SCMH1: variants seen among roughly 807,000 people sequenced by gnomAD.
SCMH1 encodes the protein Scm polycomb group protein homolog 1, also known as polycomb protein SCMH1.
A neutral mutation model predicts 70.8 loss-of-function variants in SCMH1; 37 were observed. The ratio of observed to expected loss-of-function variants is 0.52; its 90% CI spans 0.40 to 0.69. The LOEUF is 0.69. Among genes scored for constraint, SCMH1 ranks in the 30% least tolerant of loss-of-function variants. SCMH1 has a pLI of 0.00. For missense variants in SCMH1, 607 were observed against 827.3 expected (o/e 0.73, Z 3.27); for synonymous variants, 292 against 307.4 (o/e 0.95, Z 0.52).
intron 1 of SCMH1, among the ~76,000 whole-genome samples, chr1:41,235,550 G>A (rs1247079183): frequency 1.7e-5 from 2 of 120,206 alleles, no homozygotes; most frequent in African/African-American, 6.2e-5. Context: ...CAGCCTGGGA[G>A]TCAGAATGAG....
At chr1:41,097,113 A>T (rs1278366661) in intron 8 of SCMH1, among the ~76,000 whole-genome samples, 14 of 152,226 alleles carry the variant, frequency 9.2e-5, no homozygotes, top group Admixed American at 9.2e-4. Context: ...AAATCAAGTT[A>T]GTTTGTCAGA....
intron 1 of SCMH1, among the ~76,000 whole-genome samples, chr1:41,221,399 G>A (rs563537694): frequency 3.9e-5 from 6 of 152,022 alleles, no homozygotes; most frequent in East Asian, 3.9e-4. Context: ...GTTAAAATAG[G>A]CCCAGCACTT....
intron 6 of SCMH1, among the ~76,000 whole-genome samples, chr1:41,121,694 A>G (rs1318789966): frequency 2.0e-5 from 3 of 152,182 alleles, no homozygotes. Context: ...TCATGTTCAT[A>G]TATCCAACTA....
intron 1 of SCMH1, among the ~76,000 whole-genome samples, chr1:41,215,582 C>T (rs776655828): frequency 6.6e-6 from 1 of 152,076 alleles, no homozygotes; most frequent in Non-Finnish European, 1.5e-5. Context: ...GGCCCCTTTT[C>T]CTACTATGCA....
chr1:41,041,107 C>G (rs181003156), intron 12 of SCMH1, among the ~76,000 whole-genome samples: 5 of 151,978 alleles, frequency 3.3e-5, no homozygotes, highest in Non-Finnish European at 2.9e-5. Context: ...GAGCTTTCCC[C>G]TTTATGGGTG....
chr1:41,103,837 T>C (rs1667209453), intron 8 of SCMH1, among the ~76,000 whole-genome samples: 1 of 152,164 alleles, frequency 6.6e-6, no homozygotes, highest in Non-Finnish European at 1.5e-5. Context: ...AGTTTTTTTT[T>C]CTGGTCCCTT....
At chr1:41,110,537 C>T (rs1007790210) in intron 8 of SCMH1, among the ~76,000 whole-genome samples, 4 of 152,304 alleles carry the variant, frequency 2.6e-5, no homozygotes, top group Non-Finnish European at 4.4e-5. Context: ...TAAATGTAAT[C>T]ATCAATGATT....
At chr1:41,072,053 G>T (rs1338746831) in intron 9 of SCMH1, among the ~76,000 whole-genome samples, 1 of 152,158 alleles carries the variant, frequency 6.6e-6, no homozygotes, top group Admixed American at 6.5e-5. Context: ...GATAACTGCT[G>T]GGAGCCATAT....
intron 1 of SCMH1, among the ~76,000 whole-genome samples, chr1:41,197,442 A>G (rs1653293017): frequency 6.6e-6 from 1 of 152,216 alleles, no homozygotes. Flanking sequence ...GCCAGACACA[A>G]AAGGACAACT....
intron 10 of SCMH1, among the ~76,000 whole-genome samples, chr1:41,063,751 G>C (rs1571686724): frequency 6.6e-6 from 1 of 152,068 alleles, no homozygotes; most frequent in Admixed American, 6.6e-5. Flanking sequence ...TTCCTTCAAA[G>C]ACAGTCTGCC....
chr1:41,066,218 C>T (rs1448113196), intron 10 of SCMH1, among the ~76,000 whole-genome samples: 2 of 152,318 alleles, frequency 1.3e-5, no homozygotes, highest in East Asian at 1.9e-4. Context: ...AAGCTCCTCC[C>T]CTGGAATAGT....
At chr1:41,114,169 G>A (rs1390481141) in intron 7 of SCMH1, among the ~76,000 whole-genome samples, 1 of 152,070 alleles carries the variant, frequency 6.6e-6, no homozygotes, top group Admixed American at 6.6e-5. Flanking sequence ...TATACATCTA[G>A]GTGTAGAATT....
chr1:41,081,484 A>G (rs1660002141), intron 8 of SCMH1, among the ~76,000 whole-genome samples: 1 of 152,266 alleles, frequency 6.6e-6, no homozygotes, highest in Non-Finnish European at 1.5e-5. Flanking sequence ...AACATGCATC[A>G]TCAAATAGCA....
intron 1 of SCMH1, among the ~76,000 whole-genome samples, chr1:41,237,061 T>C (rs1014049158): frequency 3.9e-5 from 6 of 152,222 alleles, no homozygotes; most frequent in African/African-American, 2.4e-5. Flanking sequence ...TAAAGTACTT[T>C]GCACTTTATC....
chr1:41,183,942 T>A (rs1257679787), intron 2 of SCMH1, among the ~76,000 whole-genome samples: 1 of 152,184 alleles, frequency 6.6e-6, no homozygotes, highest in Non-Finnish European at 1.5e-5. Context: ...TAAGCTAACA[T>A]TAAAAATGAA....
intron 1 of SCMH1, among the ~76,000 whole-genome samples, chr1:41,194,389 G>A (rs1295847424): frequency 6.6e-6 from 1 of 152,088 alleles, no homozygotes; most frequent in African/African-American, 2.4e-5. Context: ...TCCTTAGTAC[G>A]ATGTAGAAAT....
chr1:41,078,119 T>C (rs1271213265), intron 8 of SCMH1, among the ~76,000 whole-genome samples: 3 of 152,224 alleles, frequency 2.0e-5, no homozygotes, highest in East Asian at 1.9e-4. Flanking sequence ...GAATAACTCA[T>C]TGCATGGGTT....
At chr1:41,096,746 T>C (rs1308959219) in intron 8 of SCMH1, among the ~76,000 whole-genome samples, 3 of 152,188 alleles carry the variant, frequency 2.0e-5, no homozygotes, top group Non-Finnish European at 4.4e-5. Flanking sequence ...CCAACATGAC[T>C]ACACAAAGTG....
At chr1:41,231,270 C>A (rs1216661790) in intron 1 of SCMH1, among the ~76,000 whole-genome samples, 5 of 152,192 alleles carry the variant, frequency 3.3e-5, no homozygotes, top group Non-Finnish European at 4.4e-5. Context: ...CAACAAACTG[C>A]AGTTTGTCAG....
Sources: gnomAD v4.1 joint callset for allele counts (sites outside exome capture counted in the v4.1 genomes callset) on GRCh38, gnomAD v4.1.1 for gene constraint, MANE v1.5 for transcripts, NCBI Gene and HGNC (gene_info 2026-07-23, HGNC 2026-07-21) for gene names.